The following TENM4 variants were observed in gnomAD, a reference collection of about 807,000 sequenced individuals.
TENM4 encodes teneurin-4.
Under a neutral mutation model 243.3 loss-of-function variants are expected in TENM4, and 82 were observed. That is an observed-to-expected ratio of 0.34 (90% CI 0.28 to 0.40). The LOEUF is 0.40. Ranked by LOEUF, TENM4 falls within the 10% of genes least tolerant of loss-of-function variation. The probability of loss-of-function intolerance (pLI) is 1.00; values close to 1 mark genes in which losing one functional copy is unlikely to be tolerated. For synonymous variants in TENM4, 1,412 were observed against 1,456.3 expected (o/e 0.97, Z 0.69); for missense variants, 3,138 against 3,673.3 (o/e 0.85, Z 3.77).
intron 12 of TENM4, among the ~76,000 whole-genome samples, chr11:78,838,620 TA>T (rs34605230): frequency 0.36 from 54,632 of 151,978 alleles, 10,411 homozygotes; most frequent in Middle Eastern, 0.45. Context: ...AAAATTCCTC[TA>T]GGGGGCAGGC....
chr11:79,143,988 A>T (rs1338275823), intron 4 of TENM4, among the ~76,000 whole-genome samples: 1 of 152,058 alleles, frequency 6.6e-6, no homozygotes, highest in Non-Finnish European at 1.5e-5. Context: ...AGCAAAGAAA[A>T]ACAATATCAA....
At chr11:79,055,558 A>AAATAATAAT (rs1859921250) in intron 6 of TENM4, among the ~76,000 whole-genome samples, 3 of 152,162 alleles carry the variant, frequency 2.0e-5, no homozygotes, top group Admixed American at 2.0e-4. Flanking sequence ...TTATTATTTT[A>AAATAATAAT]AATGATGTTG....
In TENM4 at chr11:79,370,994, G is replaced by A. The variant is rs148398064; in HGVS notation, c.-321+69515C>T. On this transcript the variant is annotated intron_variant, in intron 1 of 33. Transcript: ENST00000278550. Reference sequence around the variant, plus strand: ...AATTGATAAATGGACAAAGGATGTGGAGAAGTAATTCAATGAAGAGAAACC... The same window carrying A: ...AATTGATAAATGGACAAAGGATGTGAAGAAGTAATTCAATGAAGAGAAACC... 3.7e-3 allele frequency among the ~76,000 whole-genome samples: 558 copies of A among 152,248 alleles called. 4 individuals are homozygous for A. The highest frequency in any genetic ancestry group is 6.1e-3 in the Non-Finnish European group (416 of 68,020).
chr11:79,347,981 T>G (rs1479265685), intron 1 of TENM4, among the ~76,000 whole-genome samples: 2 of 151,750 alleles, frequency 1.3e-5, no homozygotes, highest in African/African-American at 4.8e-5. Context: ...GGGTTTCACC[T>G]TGTTAGCCAG....
chr11:78,977,562 C>A (rs1440072625), intron 6 of TENM4, among the ~76,000 whole-genome samples: 1 of 152,218 alleles, frequency 6.6e-6, no homozygotes, highest in East Asian at 1.9e-4. Context: ...CTAGCCTACA[C>A]AGGTTCTCCT....
Position 78,903,483 on chromosome 11 carries a change from C to A in TENM4, c.534G>T (p.Thr178=). The A allele has an allele frequency of 6.5e-7, 1 of 1,546,708 alleles. No homozygotes were observed. The change falls in exon 7 of 34, where the codon ACG becomes ACT. Residue 178 remains threonine, a synonymous_variant. Coordinates refer to ENST00000278550, the MANE Select transcript of TENM4 (RefSeq NM_001098816.3). ...GGLQNHARLR[T]PPPPLSHAHT... ...GGGCGTGCGAGAGCGGCGGCGGCGG[C>A]GTCCGGAGCCGCGCGTGGTTCTGCA...
rs1855976618 is a variant in TENM4 at position 78,903,298 on chromosome 11, A to T, written c.719T>A (p.Leu240Gln). 6.7e-7 allele frequency: 1 copy of T among 1,487,936 alleles called. No individual in the cohort carries two copies. The highest frequency in any genetic ancestry group is 1.3e-5 in the South Asian group (1 of 75,958). The allele number at this position is 1,487,936 out of a possible 1,614,324, so 92.2% of individuals were successfully genotyped here. The stretch of plus-strand genomic sequence containing the variant: ...CTCCAGGGGGATGTTGCTGTTGAGC[A>T]GCCAGTTCTCCTGGGCGTGGGCAGG... ...QEPAHAQENWLLNSNIPLETR... is the reference protein window; with the variant it reads ...QEPAHAQENWQLNSNIPLETR... Residue 240 changes from leucine (L) to glutamine (Q), a missense_variant, in exon 7 of 34, where the codon CTG becomes CAG. Physicochemically the swap from Leu to Gln is moderately radical, Grantham distance 113. This residue lies in a region of TENM4 where 671 missense variants were observed against 614.1 expected (regional missense o/e 1.09). Transcript: ENST00000278550.
chr11:79,005,281 T>C (rs1252874903), intron 6 of TENM4, among the ~76,000 whole-genome samples: 2 of 152,164 alleles, frequency 1.3e-5, no homozygotes, highest in Admixed American at 1.3e-4. Flanking sequence ...ATTATCCTGA[T>C]ACCAAAACCT....
At chr11:79,216,853 G>T (rs1007178352) in intron 2 of TENM4, among the ~76,000 whole-genome samples, 4 of 152,138 alleles carry the variant, frequency 2.6e-5, no homozygotes, top group African/African-American at 4.8e-5. Flanking sequence ...AGCAGAAAAT[G>T]GACTAAGGCA....
intron 7 of TENM4, among the ~76,000 whole-genome samples, chr11:78,891,790 G>A (rs935082198): frequency 6.6e-6 from 1 of 151,992 alleles, no homozygotes; most frequent in Admixed American, 6.6e-5. Context: ...CAAAGCCTGT[G>A]CTCTCTCTCT....
In TENM4 at chr11:79,322,953, C is replaced by T. The variant is rs77353898; in HGVS notation, c.-320-25410G>A. 5.6e-3 allele frequency among the ~76,000 whole-genome samples: 858 copies of T among 152,326 alleles called. 11 individuals carry two copies. Among genetic ancestry groups the T allele is most frequent in the African/African-American group, 0.019 (783 of 41,570 alleles). On this transcript the variant is annotated intron_variant, in intron 1 of 33. Transcript: ENST00000278550. ...TGAAATAGTCTACAACATTCAGTGT[C>T]TCTTGGGGTGAACACAGTTCTGGAG...
At chr11:79,042,725 C>G (rs1225743944) in intron 6 of TENM4, among the ~76,000 whole-genome samples, 1 of 152,192 alleles carries the variant, frequency 6.6e-6, no homozygotes, top group African/African-American at 2.4e-5. Flanking sequence ...TTCCTTTCCC[C>G]CAACCCACAT....
intron 9 of TENM4, among the ~76,000 whole-genome samples, chr11:78,889,472 G>C (rs1855614509): frequency 6.6e-6 from 1 of 152,200 alleles, no homozygotes; most frequent in Non-Finnish European, 1.5e-5. Flanking sequence ...TTATGCCATA[G>C]ATCCCCATCT....
In TENM4 at chr11:79,270,898, G is replaced by A. The variant is rs192734228; in HGVS notation, c.-265+26590C>T. ...CTGGGCTCACAGAAGAGCAAATCAG[G>A]TGGGAGAACAGCTCCCCTCCTCCCA... On this transcript the variant is annotated intron_variant, in intron 2 of 33. Transcript: ENST00000278550. Among the ~76,000 whole-genome samples, 17 of 152,286 alleles carry A rather than the reference G, an allele frequency of 1.1e-4. No homozygotes were observed. The East Asian group carries it at 3.1e-3, about 28-fold the overall frequency.
intron 4 of TENM4, among the ~76,000 whole-genome samples, chr11:79,137,775 A>G (rs1228062827): frequency 2.0e-5 from 3 of 152,044 alleles, no homozygotes; most frequent in Admixed American, 6.6e-5. Flanking sequence ...ATGTAATAGC[A>G]TTTGGGTTGG....
At chr11:79,133,635 T>C (rs903010234) in intron 4 of TENM4, among the ~76,000 whole-genome samples, 3 of 151,582 alleles carry the variant, frequency 2.0e-5, no homozygotes, top group Admixed American at 2.0e-4. Context: ...CAACAACATA[T>C]GAAAAAAAAA....
At chr11:79,098,457 G>T (rs1044896269) in intron 4 of TENM4, among the ~76,000 whole-genome samples, 1 of 152,158 alleles carries the variant, frequency 6.6e-6, no homozygotes, top group Non-Finnish European at 1.5e-5. Flanking sequence ...CACTCAGCAC[G>T]AGTCTGAGAG....
intron 6 of TENM4, among the ~76,000 whole-genome samples, chr11:78,921,613 T>C (rs631854): frequency 0.87 from 132,451 of 152,188 alleles, 58,477 homozygotes; most frequent in Non-Finnish European, 0.95. Flanking sequence ...GAATCCTGCT[T>C]TCCCAGTAGA....
intron 6 of TENM4, among the ~76,000 whole-genome samples, chr11:79,052,688 G>A (rs1386212641): frequency 6.6e-6 from 1 of 152,202 alleles, no homozygotes; most frequent in African/African-American, 2.4e-5. Flanking sequence ...CACAGCTTAT[G>A]CACCCTTTCA....
Sources: allele counts gnomAD v4.1 joint callset (sites outside exome capture counted in the v4.1 genomes callset), GRCh38; gene constraint gnomAD v4.1.1; regional missense constraint gnomAD v4.1.1; transcripts MANE v1.5; gene names NCBI Gene and HGNC (gene_info 2026-07-23, HGNC 2026-07-21).